PIEZO2: variants seen among roughly 807,000 people sequenced by gnomAD.
The protein encoded by PIEZO2 is piezo type mechanosensitive ion channel component 2, also known as piezo-type mechanosensitive ion channel component 2.
Under a neutral mutation model 337.3 loss-of-function variants are expected in PIEZO2, and 172 were observed. That is an observed-to-expected ratio of 0.51 (90% CI 0.45 to 0.58). The LOEUF (loss-of-function observed/expected upper bound fraction) is 0.58, where lower values mean the gene tolerates loss of function less well. PIEZO2 is among the 20% of genes least tolerant of loss of function. The pLI is 0.00. For missense variants in PIEZO2, 3,028 were observed against 3,391.3 expected, an observed-to-expected ratio of 0.89 and a Z score of 2.66; for synonymous variants, 1,251 against 1,228.5, an observed-to-expected ratio of 1.02 and a Z score of -0.38.
At chr18:10,892,299 A>T (rs746975760) in intron 4 of PIEZO2, among the ~76,000 whole-genome samples, 5 of 152,204 alleles carry the variant, frequency 3.3e-5, no homozygotes, top group Non-Finnish European at 7.3e-5. Context: ...TAATTAATTA[A>T]ACAGGAATCA....
At chr18:10,760,270 T>C (rs1253519517) in intron 24 of PIEZO2, among the ~76,000 whole-genome samples, 1 of 152,184 alleles carries the variant, frequency 6.6e-6, no homozygotes, top group Admixed American at 6.5e-5. Context: ...CAGCTTATGG[T>C]TTCAGAATGC....
At chr18:10,972,103 G>A (rs1262222940) in intron 3 of PIEZO2, among the ~76,000 whole-genome samples, 1 of 149,806 alleles carries the variant, frequency 6.7e-6, no homozygotes, top group African/African-American at 2.5e-5. Flanking sequence ...GATCAGCCTG[G>A]CCAACATGGT....
intron 27 of PIEZO2, among the ~76,000 whole-genome samples, chr18:10,757,658 G>T (rs1214002287): frequency 6.6e-6 from 1 of 151,760 alleles, no homozygotes; most frequent in Non-Finnish European, 1.5e-5. Flanking sequence ...TGCAGAGGAG[G>T]GATAAGAGAT....
At chr18:10,901,258 G>T (rs1451322965) in intron 4 of PIEZO2, among the ~76,000 whole-genome samples, 1 of 152,172 alleles carries the variant, frequency 6.6e-6, no homozygotes, top group Non-Finnish European at 1.5e-5. Flanking sequence ...ATATAGGATA[G>T]AATTGCTGCA....
rs1253472998 is a variant in PIEZO2, at chr18:10,758,001, T to C, written c.3891A>G (p.Gln1297=). ...GAATAAAATCTGGCACAGGGTTATG[T>C]TGGCTGAAGGAGGCCGCATCAAGGT... ...CMNLDAASFS[Q]HNPVPDFIHC... The change falls in exon 27 of 56, where the codon CAA becomes CAG. Residue 1297 remains glutamine (Q), a synonymous_variant. Coordinates refer to ENST00000674853, the MANE Select transcript of PIEZO2 (RefSeq NM_001378183.1). 6.5e-7 allele frequency: 1 copy of C among 1,536,946 alleles called. No homozygotes were observed. Among genetic ancestry groups the C allele is most frequent in the South Asian group, 1.2e-5 (1 of 84,028 alleles).
rs2034723638 is a variant in PIEZO2, at chr18:10,982,871, C to T, written c.161-3211G>A. ...GAGTAGCTGGCATTACAGGCGTGCA[C>T]TACCAAACCTGACTAATTTTTGTAT... is the stretch of plus-strand genomic sequence containing the variant. On this transcript the variant is annotated intron_variant, in intron 2 of 55. Transcript: ENST00000674853. This position sits in a 1 kb window ranked among gnomAD's most constrained non-coding sequence, Gnocchi z 4.1. Among the ~76,000 whole-genome samples, 2 of 152,040 alleles carry T rather than the reference C, an allele frequency of 1.3e-5. No homozygotes were observed. Among genetic ancestry groups the T allele is most frequent in the African/African-American group, 2.4e-5 (1 of 41,400 alleles).
chr18:10,900,852 A>G (rs1351983460), intron 4 of PIEZO2, among the ~76,000 whole-genome samples: 1 of 152,212 alleles, frequency 6.6e-6, no homozygotes, highest in African/African-American at 2.4e-5. Context: ...ATTTTTGCCT[A>G]AAATCCTTTC....
rs1235897635 is a variant in PIEZO2 at position 10,783,287 on chromosome 18, A to T, written c.2492+1497T>A. Among the ~76,000 whole-genome samples the T allele has an allele frequency of 6.6e-6, 1 of 152,198 alleles. No homozygotes were observed. Among genetic ancestry groups the T allele is most frequent in the East Asian group, 1.9e-4 (1 of 5,194 alleles). On this transcript the variant is annotated intron_variant, in intron 17 of 55. Transcript: ENST00000674853. This position sits in a 1 kb window ranked among gnomAD's most constrained non-coding sequence, Gnocchi z 4.3. ...AAAGAATGGTGAGGGCTTATAGTAA[A>T]TTTAAACATGTTACATGGTCAGAAT... is the stretch of plus-strand genomic sequence containing the variant.
In PIEZO2 at chr18:10,822,629, C is replaced by A. The variant is rs2040551448; in HGVS notation, c.918-15355G>T. 3.3e-5 allele frequency among the ~76,000 whole-genome samples: 5 copies of A among 152,148 alleles called. No homozygotes were observed. In the South Asian group the frequency reaches 8.3e-4, roughly 25 times the overall value. On this transcript the variant is annotated intron_variant, in intron 7 of 55. Coordinates refer to ENST00000674853, the MANE Select transcript of PIEZO2 (RefSeq NM_001378183.1). ...TCCAATCAGCCTAGTGGAATCAGCT[C>A]TCATAGGTCGGGAAGGAGTGAACCT...
chr18:10,835,293 GT>G (rs1598556254), intron 7 of PIEZO2, among the ~76,000 whole-genome samples: 1 of 139,224 alleles, frequency 7.2e-6, no homozygotes, highest in African/African-American at 2.7e-5. Context: ...TTTTTTTTTG[GT>G]AAGGAGGTGG....
At chr18:10,782,393 A>G (rs1256443551) in intron 17 of PIEZO2, among the ~76,000 whole-genome samples, 1 of 87,926 alleles carries the variant, frequency 1.1e-5, no homozygotes, top group South Asian at 2.9e-4. Flanking sequence ...ATAATTATAT[A>G]TAAATAATTA....
At chr18:10,809,791 A>G (rs2040129759) in intron 7 of PIEZO2, among the ~76,000 whole-genome samples, 2 of 152,162 alleles carry the variant, frequency 1.3e-5, no homozygotes, top group Non-Finnish European at 2.9e-5. Flanking sequence ...CCTGCTCTCC[A>G]GGAACTACTC....
intron 4 of PIEZO2, among the ~76,000 whole-genome samples, chr18:10,884,264 T>C (rs2042509689): frequency 6.6e-6 from 1 of 152,220 alleles, no homozygotes; most frequent in African/African-American, 2.4e-5. Context: ...TAATATTCCA[T>C]TGAGTATTTA....
intron 2 of PIEZO2, among the ~76,000 whole-genome samples, chr18:11,030,726 CGTAGTCCA>C (rs1483961384): frequency 6.6e-6 from 1 of 152,046 alleles, no homozygotes; most frequent in African/African-American, 2.4e-5. Context: ...CCTGGCAAGA[CGTAGTCCA>C]GGGCCAGGAG....
In PIEZO2 at chr18:11,109,094, C is replaced by T. The variant is rs1261834807; in HGVS notation, c.64+39431G>A. Reference sequence around the variant, plus strand: ...TTCCAGCATCCTGGGCAAAGGGTGACATCATGTCAGAGAACTATGCATCCC... The same window carrying T: ...TTCCAGCATCCTGGGCAAAGGGTGATATCATGTCAGAGAACTATGCATCCC... On this transcript the variant is annotated intron_variant, in intron 1 of 55. Transcript: ENST00000674853. This position sits in a 1 kb window ranked among gnomAD's most constrained non-coding sequence, Gnocchi z 5.1. 6.6e-6 allele frequency among the ~76,000 whole-genome samples: 1 copy of T among 152,164 alleles called. No homozygotes were observed. Among genetic ancestry groups the T allele is most frequent in the Non-Finnish European group, 1.5e-5 (1 of 68,040 alleles).
chr18:11,074,478 A>G (rs1335874778), intron 1 of PIEZO2, among the ~76,000 whole-genome samples: 1 of 152,212 alleles, frequency 6.6e-6, no homozygotes, highest in African/African-American at 2.4e-5. Flanking sequence ...TAATTCCCCA[A>G]ACAAAAGACC....
In PIEZO2 at chr18:10,787,165, C is replaced by T. The variant is rs1349776902; in HGVS notation, c.2189G>A (p.Arg730Lys). Reference protein sequence around the residue: ...ALYQVHYEWWRKILKYFWMSV... With the variant: ...ALYQVHYEWWKKILKYFWMSV... Reference sequence around the variant, plus strand: ...CATCCAAAAATATTTTAGAATTTTCCTCCACCATTCATAGTGCACCTGCAA... The same window carrying T: ...CATCCAAAAATATTTTAGAATTTTCTTCCACCATTCATAGTGCACCTGCAA... Residue 730 changes from arginine (R) to lysine (K), a missense_variant, in exon 16 of 56, where the codon AGG becomes AAG. Transcript: ENST00000674853. 2.0e-6 allele frequency: 3 copies of T among 1,530,002 alleles called. No individual in the cohort carries two copies. Among genetic ancestry groups the T allele is most frequent in the South Asian group, 1.2e-5 (1 of 82,338 alleles). The allele number at this position is 1,530,002 out of a possible 1,614,324, so 94.8% of individuals were successfully genotyped here.
At chr18:11,064,362 T>A (rs1436160526) in intron 2 of PIEZO2, among the ~76,000 whole-genome samples, 5 of 152,194 alleles carry the variant, frequency 3.3e-5, no homozygotes, top group African/African-American at 1.2e-4. Context: ...ACTGGAAGGA[T>A]GTGTGTGGAT....
rs1043352362 is a variant in PIEZO2 at position 10,988,467 on chromosome 18, G to C, written c.161-8807C>G. 1.3e-5 allele frequency among the ~76,000 whole-genome samples: 2 copies of C among 152,192 alleles called. No individual in the cohort carries two copies. The highest frequency in any genetic ancestry group is 4.8e-5 in the African/African-American group (2 of 41,448). ...GTTGGAGAGGGAAACATGGAGAAAA[G>C]AGAACTCTTATATACTGTTGGTGAA... On this transcript the variant is annotated intron_variant, in intron 2 of 55. Transcript: ENST00000674853. The surrounding 1 kb of genome is among the most constrained non-coding windows in gnomAD (Gnocchi z 4.8).
Sources: allele counts gnomAD v4.1 joint callset (sites outside exome capture counted in the v4.1 genomes callset), GRCh38; gene constraint gnomAD v4.1.1; non-coding constraint Gnocchi (gnomAD v3.1); transcripts MANE v1.5; gene names NCBI Gene and HGNC (gene_info 2026-07-23, HGNC 2026-07-21).